The following ZEB1 variants were observed in gnomAD, a reference collection of about 807,000 sequenced individuals.
ZEB1 encodes zinc finger E-box binding homeobox 1.
ZEB1 carries 21 observed loss-of-function variants against 84.9 expected under a neutral mutation model. That is an observed-to-expected ratio of 0.25 (90% confidence interval 0.18 to 0.36). The LOEUF is 0.36. Among genes scored for constraint, ZEB1 ranks in the 10% least tolerant of loss-of-function variants. The pLI, the probability that ZEB1 is intolerant of heterozygous loss-of-function variation, is 1.00. For synonymous variants in ZEB1, 420 were observed against 471.1 expected, an observed-to-expected ratio of 0.89 and a Z score of 1.41; for missense variants, 1,104 against 1,330.2, an observed-to-expected ratio of 0.83 and a Z score of 2.65.
intron 1 of ZEB1, among the ~76,000 whole-genome samples, chr10:31,334,344 A>AT (rs1423856131): frequency 1.3e-5 from 2 of 152,118 alleles, no homozygotes; most frequent in African/African-American, 2.4e-5. Flanking sequence ...TTAAATAGAA[A>AT]TTTTGTGTGT....
chr10:31,481,025 A>G (rs2064977226), intron 2 of ZEB1, among the ~76,000 whole-genome samples: 1 of 152,022 alleles, frequency 6.6e-6, no homozygotes, highest in African/African-American at 2.4e-5. Flanking sequence ...TCCTCCCCCT[A>G]TGCCTACTAC....
chr10:31,456,516 G>A (rs2061260193), intron 1 of ZEB1, among the ~76,000 whole-genome samples: 1 of 152,118 alleles, frequency 6.6e-6, no homozygotes, highest in South Asian at 2.1e-4. Flanking sequence ...GTGGTAAATT[G>A]TTAAGTATGG....
rs1256445522 is a variant in ZEB1 at position 31,363,311 on chromosome 10, C to T, written c.58+44019C>T. ...GGCTTCCCAAAGGGAAGGATGCCTC[C>T]AGCAGGGCTGTGTGAACTGGCGACT... On this transcript the variant is annotated intron_variant, in intron 1 of 8. Transcript: ENST00000424869. 3.9e-6 allele frequency: 6 copies of T among 1,533,320 alleles called. No individual in the cohort carries two copies. In the South Asian group the frequency reaches 6.0e-5, roughly 15 times the overall value. 95.0% of individuals were successfully genotyped at this position (1,533,320 alleles called of 1,614,324 possible).
At chr10:31,427,846 A>G (rs1389913808) in intron 1 of ZEB1, among the ~76,000 whole-genome samples, 3 of 151,080 alleles carry the variant, frequency 2.0e-5, no homozygotes, top group East Asian at 3.9e-4. Context: ...GCAACTGAGC[A>G]AGACTCCATC....
At chr10:31,495,656 C>A in intron 2 of ZEB1, 120 bp from the exon 3 acceptor site, 2 of 957,060 alleles carry the variant, frequency 2.1e-6, no homozygotes, top group Non-Finnish European at 3.4e-6. Flanking sequence ...TATTTTGATA[C>A]ATGTATACAA....
chr10:31,482,110 C>G (rs2065121173), intron 2 of ZEB1, among the ~76,000 whole-genome samples: 1 of 151,962 alleles, frequency 6.6e-6, no homozygotes, highest in East Asian at 1.9e-4. Flanking sequence ...TGGCAGGCAC[C>G]ACCTTAACCA....
rs774507374 is a variant in ZEB1, at chr10:31,502,418, A to G, written c.393A>G (p.Leu131=). Residue 131 remains leucine, a synonymous_variant, in exon 4 of 9, where the codon CTA becomes CTG. Transcript: ENST00000424869. ...QNHDPNVEEF[L]QQQDTAVIFP... ...ATGATCCTAATGTTGAAGAGTTTCT[A>G]CAACAACAAGACACTGCTGTCATTT... 9.9e-6 allele frequency: 16 copies of G among 1,613,868 alleles called. No homozygotes were observed. In the African/African-American group the frequency reaches 1.5e-4, roughly 15 times the overall value.
In ZEB1 at chr10:31,514,728, C is replaced by A. The variant is rs766376949; in HGVS notation, c.793+20C>A. ...ACAGTGGTAAATATTTTTTTTCTTT[C>A]TATACCCTGAATATCATAGCATATG... On this transcript the variant is annotated intron_variant, in intron 6 of 8. Coordinates refer to ENST00000424869, the MANE Select transcript of ZEB1 (RefSeq NM_001174096.2). 2 of 1,566,268 alleles carry A rather than the reference C, an allele frequency of 1.3e-6. No homozygotes were observed. The highest frequency in any genetic ancestry group is 1.4e-5 in the African/African-American group (1 of 73,784).
intron 8 of ZEB1, among the ~76,000 whole-genome samples, chr10:31,524,366 A>G (rs1048976275): frequency 6.6e-6 from 1 of 152,014 alleles, no homozygotes; most frequent in African/African-American, 2.4e-5. Context: ...CTATAGGCAC[A>G]TACCACCACA....
At chr10:31,471,513 A>C (rs1340427315) in intron 2 of ZEB1, among the ~76,000 whole-genome samples, 1 of 150,082 alleles carries the variant, frequency 6.7e-6, no homozygotes, top group Non-Finnish European at 1.5e-5. Flanking sequence ...AGAGCTAACT[A>C]TCCTAAATAT....
chr10:31,508,638 A>G (rs1200280559), intron 4 of ZEB1, among the ~76,000 whole-genome samples: 1 of 152,002 alleles, frequency 6.6e-6, no homozygotes, highest in Non-Finnish European at 1.5e-5. Context: ...GGCCAGATGG[A>G]CCTGTCCTCA....
At chr10:31,366,507 G>T (rs984444713) in intron 1 of ZEB1, among the ~76,000 whole-genome samples, 1 of 152,004 alleles carries the variant, frequency 6.6e-6, no homozygotes, top group Non-Finnish European at 1.5e-5. Flanking sequence ...CAAAGCCAGG[G>T]TTACACTATC....
chr10:31,458,191 AGCTT>A (rs1383104367), intron 1 of ZEB1, among the ~76,000 whole-genome samples: 1 of 152,160 alleles, frequency 6.6e-6, no homozygotes, highest in Non-Finnish European at 1.5e-5. Context: ...TTCTAATTTT[AGCTT>A]GTCATATATA....
intron 1 of ZEB1, among the ~76,000 whole-genome samples, chr10:31,384,921 C>T (rs538687367): frequency 6.6e-6 from 1 of 152,126 alleles, no homozygotes; most frequent in Non-Finnish European, 1.5e-5. Flanking sequence ...CTCTTTTTGT[C>T]GTATTATCTG....
intron 8 of ZEB1, among the ~76,000 whole-genome samples, chr10:31,525,270 C>A (rs765056738): frequency 6.6e-6 from 1 of 152,180 alleles, no homozygotes; most frequent in Non-Finnish European, 1.5e-5. Flanking sequence ...ATACTCACTA[C>A]CCTTTACAGA....
At chr10:31,434,642 A>C (rs1479236606) in intron 1 of ZEB1, among the ~76,000 whole-genome samples, 2 of 152,136 alleles carry the variant, frequency 1.3e-5, no homozygotes, top group Admixed American at 1.3e-4. Context: ...TTTTCATAAC[A>C]CTTAATCCTT....
chr10:31,427,625 G>A (rs936050933), intron 1 of ZEB1, among the ~76,000 whole-genome samples: 5 of 152,110 alleles, frequency 3.3e-5, no homozygotes, highest in Non-Finnish European at 5.9e-5. Flanking sequence ...AGGCCAAGGC[G>A]GGTGGATCAC....
intron 1 of ZEB1, chr10:31,360,919 T>G: frequency 6.6e-7 from 1 of 1,514,584 alleles, no homozygotes; most frequent in South Asian, 1.1e-5. Flanking sequence ...GCATGGATGC[T>G]CTAATAAATT....
At chr10:31,406,483 A>G (rs1487981614) in intron 1 of ZEB1, among the ~76,000 whole-genome samples, 1 of 151,662 alleles carries the variant, frequency 6.6e-6, no homozygotes, top group Non-Finnish European at 1.5e-5. Flanking sequence ...TTTTGGCCGC[A>G]TAAATGTCTT....
Sources: allele counts gnomAD v4.1 joint callset (sites outside exome capture counted in the v4.1 genomes callset), GRCh38; gene constraint gnomAD v4.1.1; transcripts MANE v1.5; gene names NCBI Gene and HGNC (gene_info 2026-07-23, HGNC 2026-07-21).